KL: variants seen among roughly 807,000 people sequenced by gnomAD.
KL encodes the protein alpha-klotho.
In KL, 62 loss-of-function variants were observed where a neutral mutation model predicts 84.2. That is an observed-to-expected ratio of 0.74 (90% CI 0.60 to 0.91). KL has a LOEUF of 0.91. KL is among the 40% of genes least tolerant of loss of function. The pLI is 0.00. For synonymous variants in KL, 528 were observed against 528.0 expected (o/e 1.00, Z 0.00); for missense variants, 1,261 against 1,305.7 (o/e 0.97, Z 0.53).
intron 1 of KL, among the ~76,000 whole-genome samples, chr13:33,031,196 T>C (rs964553252): frequency 6.6e-6 from 1 of 152,196 alleles, no homozygotes; most frequent in African/African-American, 2.4e-5. Context: ...TAATGGAAGA[T>C]ATGCACCAGC....
Position 33,017,346 on chromosome 13 carries a change from C to G in KL, c.819+87C>G. 3 of 1,251,258 alleles carry G rather than the reference C, an allele frequency of 2.4e-6. 1 individual carries two copies. The highest frequency in any genetic ancestry group is 5.3e-4 in the Middle Eastern group (2 of 3,784). The allele number at this position is 1,251,258 out of a possible 1,614,324, so 77.5% of individuals were successfully genotyped here. On this transcript the variant is annotated intron_variant, in intron 1 of 4. Coordinates refer to ENST00000380099, the MANE Select transcript of KL (RefSeq NM_004795.4). ...AGGGGGAAGTGTGGGAACTGAGTCT[C>G]CCCCAGACGAGGCTTCACTTGGACA...
At chr13:33,017,560 A>G (rs1870417354) in intron 1 of KL, among the ~76,000 whole-genome samples, 1 of 152,128 alleles carries the variant, frequency 6.6e-6, no homozygotes, top group Non-Finnish European at 1.5e-5. Context: ...GAATTCCTAG[A>G]GGTGAGGGCG....
At chr13:33,053,726 C>G (rs373106095) in intron 1 of KL, 41 bp from the exon 2 acceptor site, 7 of 1,599,846 alleles carry the variant, frequency 4.4e-6, no homozygotes, top group Non-Finnish European at 4.3e-6. Context: ...CATTTCTCCT[C>G]ACAACTAGAG....
At chr13:33,049,172 G>A (rs1871651350) in intron 1 of KL, among the ~76,000 whole-genome samples, 1 of 152,104 alleles carries the variant, frequency 6.6e-6, no homozygotes, top group African/African-American at 2.4e-5. Context: ...TTTTTTAATG[G>A]TATGTGCCTG....
At chr13:33,051,603 C>G (rs1036327617) in intron 1 of KL, among the ~76,000 whole-genome samples, 5 of 152,152 alleles carry the variant, frequency 3.3e-5, no homozygotes, top group African/African-American at 9.7e-5. Context: ...TATGTCTTTC[C>G]TTATGGCCCA....
At chr13:33,039,528 G>T (rs1408294459) in intron 1 of KL, among the ~76,000 whole-genome samples, 1 of 151,998 alleles carries the variant, frequency 6.6e-6, no homozygotes, top group Non-Finnish European at 1.5e-5. Flanking sequence ...CTTGTGGGTG[G>T]GGTGCATTGG....
chr13:33,061,243 C>T lies in KL; in HGVS notation c.2164C>T (p.Gln722Ter). Reference protein sequence around the residue: ...HVYNEKFRHAQNGKISIALQA... With the variant: ...HVYNEKFRHA ...GTACAATGAAAAGTTTAGGCATGCT[C>T]AGAATGGGAAAATATCCATAGCCTT... The change falls in exon 4 of 5, where the codon CAG (glutamine) becomes TAG (stop). Residue 722 changes from glutamine (Q) to a stop codon, truncating the protein, a stop_gained. Coordinates refer to ENST00000380099, the MANE Select transcript of KL (RefSeq NM_004795.4). LOFTEE classifies it high-confidence loss of function. The T allele has an allele frequency of 6.2e-7, 1 of 1,614,218 alleles. No homozygotes were observed. The highest frequency in any genetic ancestry group is 1.1e-5 in the South Asian group (1 of 91,084).
intron 1 of KL, among the ~76,000 whole-genome samples, chr13:33,051,711 A>G (rs939786353): frequency 1.3e-5 from 2 of 152,138 alleles, no homozygotes; most frequent in African/African-American, 2.4e-5. Flanking sequence ...ATTCCATTGT[A>G]TGACTTCAGC....
At chr13:33,057,881 A>G (rs1296325532) in intron 3 of KL, among the ~76,000 whole-genome samples, 1 of 152,212 alleles carries the variant, frequency 6.6e-6, no homozygotes, top group Non-Finnish European at 1.5e-5. Context: ...CAGCTTTAAG[A>G]CATTATATTA....
rs1871844076 is a variant in KL, at chr13:33,053,846, C to G, written c.899C>G (p.Ser300Cys). ...QGGQVSIALS[S>C]HWINPRRMTD... ...GGTCAGGTGTCCATTGCCCTAAGCT[C>G]TCACTGGATCAATCCTCGAAGAATG... Residue 300 changes from serine to cysteine, a missense_variant, in exon 2 of 5, where the codon TCT (serine) becomes TGT (cysteine). By Grantham distance (112) the Ser-to-Cys change is moderately radical (BLOSUM62 -1). Coordinates refer to ENST00000380099, the MANE Select transcript of KL (RefSeq NM_004795.4). 6.2e-7 allele frequency: 1 copy of G among 1,614,010 alleles called. No homozygotes were observed. The highest frequency in any genetic ancestry group is 8.5e-7 in the Non-Finnish European group (1 of 1,179,996).
intron 2 of KL, 58 bp from the exon 3 acceptor site, chr13:33,054,989 C>T: frequency 6.2e-7 from 1 of 1,610,570 alleles, no homozygotes; most frequent in Non-Finnish European, 8.5e-7. Context: ...GCTCTTGAAC[C>T]ATGATGCAAG....
intron 3 of KL, among the ~76,000 whole-genome samples, chr13:33,056,160 T>C (rs1298651040): frequency 6.6e-6 from 1 of 152,012 alleles, no homozygotes; most frequent in African/African-American, 2.4e-5. Flanking sequence ...GCGGGCATGG[T>C]GGTAAGTAAC....
At chr13:33,034,998 C>G (rs926346320) in intron 1 of KL, among the ~76,000 whole-genome samples, 2 of 152,206 alleles carry the variant, frequency 1.3e-5, no homozygotes, top group African/African-American at 4.8e-5. Context: ...GCTGAGGCTA[C>G]TCATAGGTTG....
At chr13:33,025,588 G>C (rs960152305) in intron 1 of KL, among the ~76,000 whole-genome samples, 2 of 152,150 alleles carry the variant, frequency 1.3e-5, no homozygotes, top group Non-Finnish European at 2.9e-5. Flanking sequence ...GCGTCAGGTG[G>C]GAAAGGATGA....
Position 33,054,181 on chromosome 13 carries a change from A to T in KL, c.1234A>T (p.Ile412Phe), listed in dbSNP as rs1307500604. 1 of 1,613,712 alleles carries T rather than the reference A, an allele frequency of 6.2e-7. No individual in the cohort carries two copies. Among genetic ancestry groups the T allele is most frequent in the Admixed American group, 1.7e-5 (1 of 59,986 alleles). Residue 412 changes from isoleucine to phenylalanine, a missense_variant, in exon 2 of 5, where the codon ATT becomes TTT. Physicochemically the swap from Ile to Phe is conservative, Grantham distance 21. Transcript: ENST00000380099. ...TGAATTTAACCATCCTCAAATATTTATTGTGGAAAATGGCTGGTTTGTCTC... is the reference window on the plus strand; with the variant it reads ...TGAATTTAACCATCCTCAAATATTTTTTGTGGAAAATGGCTGGTTTGTCTC... ...DLEFNHPQIFIVENGWFVSGT... is the reference protein window; with the variant it reads ...DLEFNHPQIFFVENGWFVSGT...
At chr13:33,039,170 A>T (rs558500606) in intron 1 of KL, among the ~76,000 whole-genome samples, 14 of 152,332 alleles carry the variant, frequency 9.2e-5, no homozygotes, top group African/African-American at 3.4e-4. Flanking sequence ...ATATTTGTCC[A>T]TGGTGATCAT....
At chr13:33,029,824 G>A (rs893254801) in intron 1 of KL, among the ~76,000 whole-genome samples, 4 of 152,018 alleles carry the variant, frequency 2.6e-5, no homozygotes, top group Non-Finnish European at 5.9e-5. Context: ...TAGTAGAGAC[G>A]GGGTTTCACC....
chr13:33,045,278 A>C (rs1871484557), intron 1 of KL, among the ~76,000 whole-genome samples: 1 of 152,180 alleles, frequency 6.6e-6, no homozygotes, highest in Non-Finnish European at 1.5e-5. Flanking sequence ...CATATGTAGA[A>C]TCATGTTATC....
chr13:33,049,215 A>C (rs575218823), intron 1 of KL, among the ~76,000 whole-genome samples: 1 of 152,310 alleles, frequency 6.6e-6, no homozygotes, highest in South Asian at 2.1e-4. Context: ...CTTGAAAGCA[A>C]AATAAGAACC....
Sources: gnomAD v4.1 joint callset for allele counts (sites outside exome capture counted in the v4.1 genomes callset) on GRCh38, gnomAD v4.1.1 for gene constraint, MANE v1.5 for transcripts, NCBI Gene and HGNC (gene_info 2026-07-23, HGNC 2026-07-21) for gene names.